The following THTPA variants were observed in gnomAD, a reference collection of about 807,000 sequenced individuals.
The protein encoded by THTPA is thiamine triphosphatase.
THTPA carries 16 observed loss-of-function variants against 16.5 expected under a neutral mutation model. The ratio of observed to expected loss-of-function variants is 0.97; its 90% confidence interval spans 0.66 to 1.47. THTPA has a LOEUF of 1.47. THTPA is among the 40% of genes most tolerant of loss of function. THTPA has a pLI of 0.00. For synonymous variants in THTPA, 110 were observed against 115.5 expected (o/e 0.95, Z 0.30); for missense variants, 281 against 280.9 (o/e 1.00, Z 0.00).
rs1883253030 is a variant in THTPA at position 23,559,903 on chromosome 14, C to T, written c.*1063C>T. On this transcript the variant is annotated 3_prime_UTR_variant, in exon 2 of 2. Coordinates refer to ENST00000288014, the MANE Select transcript of THTPA (RefSeq NM_024328.6). ...TTAGCACCCACGGCTTCTTCTATCC[C>T]TGGGTCTTGTCTTGGGGGAACTCCT... 3.1e-6 allele frequency: 5 copies of T among 1,610,600 alleles called. No individual in the cohort carries two copies. The highest frequency in any genetic ancestry group is 2.7e-5 in the African/African-American group (2 of 74,986).
chr14:23,546,808 T>G, the THTPA span, among the ~76,000 whole-genome samples: 6 of 152,192 alleles, frequency 3.9e-5, no homozygotes, highest in Non-Finnish European at 5.9e-5. This position sits in a 1 kb window ranked among gnomAD's most constrained non-coding sequence, Gnocchi z 4.7. Flanking sequence ...CTGCAAAATA[T>G]GAGCTGCCCA....
At chr14:23,526,403 G>A in the THTPA span, 26 of 1,536,156 alleles carry the variant, frequency 1.7e-5, 1 homozygote, top group South Asian at 3.0e-4. Flanking sequence ...CTTGTCCAGG[G>A]CAAAGTTGGT....
chr14:23,527,652 G>A, the THTPA span: 2 of 1,536,352 alleles, frequency 1.3e-6, no homozygotes, highest in African/African-American at 2.7e-5. Context: ...TGTGAAGGTG[G>A]CTAAGGTGGA....
At chr14:23,521,538 G>C in the THTPA span, 2 of 160,620 alleles carry the variant, frequency 1.2e-5, no homozygotes, top group African/African-American at 2.4e-5. Context: ...TGTTTTCTCA[G>C]TGGAACATCA....
chr14:23,559,719 A>G lies in THTPA; in HGVS notation c.*879A>G, dbSNP rs769291265. On this transcript the variant is annotated 3_prime_UTR_variant, in exon 2 of 2. Transcript: ENST00000288014. ...TGGGGCCCCCTGGGGTTTGGGACAC[A>G]GGAGAATTTCAGGCTGTGAGTGGAG... is the stretch of plus-strand genomic sequence containing the variant. 2.5e-6 allele frequency: 4 copies of G among 1,609,482 alleles called. No individual in the cohort carries two copies. In the South Asian group the frequency reaches 3.3e-5, roughly 13 times the overall value.
chr14:23,516,998 C>A, the THTPA span, among the ~76,000 whole-genome samples: 1 of 152,174 alleles, frequency 6.6e-6, no homozygotes, highest in Non-Finnish European at 1.5e-5. Context: ...GCTGCATCAC[C>A]TTTCCCCCTC....
chr14:23,526,286 A>G, the THTPA span: 2 of 1,536,300 alleles, frequency 1.3e-6, no homozygotes, highest in Non-Finnish European at 1.7e-6. Flanking sequence ...AGCCTTCTTC[A>G]TCTTGTGAAG....
upstream of THTPA, among the ~76,000 whole-genome samples, chr14:23,554,673 T>A (rs1882213298): frequency 6.6e-6 from 1 of 151,068 alleles, no homozygotes; most frequent in Non-Finnish European, 1.5e-5. Context: ...CAAGTGTGAG[T>A]CAACACACCT....
chr14:23,549,017 T>C, the THTPA span, among the ~76,000 whole-genome samples: 1 of 152,154 alleles, frequency 6.6e-6, no homozygotes, highest in Non-Finnish European at 1.5e-5. Flanking sequence ...TTTACCTTCT[T>C]TGTACCATAC....
the THTPA span, among the ~76,000 whole-genome samples, chr14:23,512,249 C>T: frequency 6.6e-6 from 1 of 152,044 alleles, no homozygotes. Flanking sequence ...CAGAAGGCAT[C>T]GCAGATGGCT....
chr14:23,552,288 AT>A (rs891218317), upstream of THTPA, among the ~76,000 whole-genome samples: 930 of 133,990 alleles, frequency 6.9e-3, 5 homozygotes, highest in African/African-American at 0.019. Flanking sequence ...GTGCTCCTGA[AT>A]TTTTTTTTTT....
the THTPA span, among the ~76,000 whole-genome samples, chr14:23,515,800 G>A: frequency 8.5e-5 from 13 of 152,302 alleles, no homozygotes; most frequent in African/African-American, 3.1e-4. Flanking sequence ...CTCTGGAAGT[G>A]TATGGCTACT....
At chr14:23,537,346 T>C in the THTPA span, among the ~76,000 whole-genome samples, 1 of 151,996 alleles carries the variant, frequency 6.6e-6, no homozygotes, top group Non-Finnish European at 1.5e-5. Context: ...CTAGCTCTCG[T>C]ATTAGCAGAT....
chr14:23,541,251 C>G, the THTPA span, among the ~76,000 whole-genome samples: 2 of 151,814 alleles, frequency 1.3e-5, no homozygotes, highest in East Asian at 3.9e-4. Flanking sequence ...TAATCTCTGC[C>G]CTTTTCAACT....
chr14:23,553,558 C>A (rs1338892674), upstream of THTPA, among the ~76,000 whole-genome samples: 5 of 149,934 alleles, frequency 3.3e-5, no homozygotes, highest in Admixed American at 6.6e-5. Context: ...AAGATCACAC[C>A]ATTGCACTCC....
rs746943964 is a variant in THTPA at position 23,559,700 on chromosome 14, C to A, written c.*860C>A. On this transcript the variant is annotated 3_prime_UTR_variant, in exon 2 of 2. Coordinates refer to ENST00000288014, the MANE Select transcript of THTPA (RefSeq NM_024328.6). ...GGTGTAGGTTCGAAGCTGCTGGGGCCCCCTGGGGTTTGGGACACAGGAGAA... is the reference window on the plus strand; with the variant it reads ...GGTGTAGGTTCGAAGCTGCTGGGGCACCCTGGGGTTTGGGACACAGGAGAA... 3 of 1,587,076 alleles carry A rather than the reference C, an allele frequency of 1.9e-6. No homozygotes were observed. The highest frequency in any genetic ancestry group is 2.2e-5 in the East Asian group (1 of 44,494).
the THTPA span, among the ~76,000 whole-genome samples, chr14:23,517,219 C>T: frequency 3.9e-5 from 6 of 152,168 alleles, no homozygotes; most frequent in South Asian, 2.1e-4. Flanking sequence ...GGTGGTCACG[C>T]AATTGAATCA....
chr14:23,532,806 G>C, the THTPA span: 1 of 1,536,556 alleles, frequency 6.5e-7, no homozygotes, highest in Non-Finnish European at 8.7e-7. Flanking sequence ...AGGTGGAGTT[G>C]GAAGTTGGCC....
chr14:23,535,210 T>C, the THTPA span: 1 of 1,528,704 alleles, frequency 6.5e-7, no homozygotes, highest in African/African-American at 1.4e-5. This position sits in a 1 kb window ranked among gnomAD's most constrained non-coding sequence, Gnocchi z 4.5. Context: ...AGGGGGATCT[T>C]TGGTGACAGG....
Sources: gnomAD v4.1 joint callset for allele counts (sites outside exome capture counted in the v4.1 genomes callset) on GRCh38, gnomAD v4.1.1 for gene constraint, Gnocchi (gnomAD v3.1) non-coding constraint, MANE v1.5 for transcripts, NCBI Gene and HGNC (gene_info 2026-07-23, HGNC 2026-07-21) for gene names.